The following ABCA1 variants were observed in gnomAD, a reference collection of about 807,000 sequenced individuals.
ABCA1 encodes the protein phospholipid-transporting ATPase ABCA1.
Under a neutral mutation model 262.5 loss-of-function variants are expected in ABCA1, and 133 were observed. The ratio of observed to expected loss-of-function variants is 0.51; its 90% CI spans 0.44 to 0.59. ABCA1 has a LOEUF of 0.59. Among genes scored for constraint, ABCA1 ranks in the 20% least tolerant of loss-of-function variants. The pLI, the probability that ABCA1 is intolerant of heterozygous loss-of-function variation, is 0.00. For synonymous variants in ABCA1, 1,022 were observed against 1,043.5 expected, an observed-to-expected ratio of 0.98 and a Z score of 0.40; for missense variants, 2,452 against 2,777.5, an observed-to-expected ratio of 0.88 and a Z score of 2.63.
At chr9:104,885,605 T>C (rs767732688) in intron 3 of ABCA1, among the ~76,000 whole-genome samples, 4 of 152,196 alleles carry the variant, frequency 2.6e-5, no homozygotes, top group Non-Finnish European at 4.4e-5. Flanking sequence ...CTCTCCTCTT[T>C]CTTTCTTACA....
chr9:104,832,439 G>T, intron 12 of ABCA1, 135 bp downstream of exon 12: 3 of 960,368 alleles, frequency 3.1e-6, no homozygotes, highest in East Asian at 2.6e-5. Flanking sequence ...CAAATCCTGT[G>T]TTAGGCTTGA....
chr9:104,847,655 A>G (rs916701577), intron 7 of ABCA1, among the ~76,000 whole-genome samples: 4 of 152,194 alleles, frequency 2.6e-5, no homozygotes, highest in Admixed American at 2.6e-4. Flanking sequence ...CTATCATCAC[A>G]CAGCATATCA....
At chr9:104,871,573 C>T (rs1433877316) in intron 5 of ABCA1, among the ~76,000 whole-genome samples, 1 of 152,136 alleles carries the variant, frequency 6.6e-6, no homozygotes, top group Non-Finnish European at 1.5e-5. Flanking sequence ...TAAGACATAA[C>T]ATTGACCCAA....
intron 7 of ABCA1, among the ~76,000 whole-genome samples, chr9:104,851,635 C>T (rs1835389165): frequency 6.6e-6 from 1 of 152,174 alleles, no homozygotes; most frequent in Non-Finnish European, 1.5e-5. Context: ...TAGGAGGCCC[C>T]ATCAGGGACT....
chr9:104,904,509 T>G (rs1840941983), intron 1 of ABCA1, among the ~76,000 whole-genome samples: 1 of 145,896 alleles, frequency 6.9e-6, no homozygotes, highest in Admixed American at 7.1e-5. Context: ...GGAGGTGCAG[T>G]GAGCCAAGAT....
intron 3 of ABCA1, among the ~76,000 whole-genome samples, chr9:104,887,255 G>T (rs1015703095): frequency 1.6e-4 from 25 of 151,810 alleles, no homozygotes; most frequent in Non-Finnish European, 1.6e-4. Context: ...TCCAGTCTGG[G>T]CAACAGAGCA....
At chr9:104,840,181 C>A (rs1834238818) in intron 9 of ABCA1, 98 bp downstream of exon 9, 2 of 1,599,902 alleles carry the variant, frequency 1.3e-6, no homozygotes, top group Admixed American at 3.3e-5. Flanking sequence ...ATGTAGACAT[C>A]TAACGCTGCT....
chr9:104,920,685 T>A (rs1842097849), intron 1 of ABCA1, among the ~76,000 whole-genome samples: 1 of 152,174 alleles, frequency 6.6e-6, no homozygotes, highest in South Asian at 2.1e-4. Context: ...CTAATTTTTG[T>A]ATTTTTAGTA....
At chr9:104,870,181 G>A (rs910476876) in intron 5 of ABCA1, among the ~76,000 whole-genome samples, 2 of 152,112 alleles carry the variant, frequency 1.3e-5, no homozygotes, top group African/African-American at 2.4e-5. Flanking sequence ...ATTCCTTCTA[G>A]TATTTTACAA....
rs749383560 is a variant in ABCA1 at position 104,802,054 on chromosome 9, C to G, written c.4698G>C (p.Lys1566Asn). 5.6e-6 allele frequency: 9 copies of G among 1,613,912 alleles called. No homozygotes were observed. Among genetic ancestry groups the G allele is most frequent in the African/African-American group, 1.3e-5 (1 of 74,918 alleles). Residue 1566 changes from lysine to asparagine, a missense_variant and splice_region_variant, in exon 34 of 50, where the codon AAG becomes AAC. Physicochemically the swap from Lys to Asn is moderately conservative, Grantham distance 94. Transcript: ENST00000374736. ...ATACATCTTACGATAGATATTTTAC[C>G]TTGGCCAGCTTTAGGTGTTTCTTCA... The part of the protein sequence containing the change: ...KQMKKHLKLA[K>N]DSSADRFLNS...
intron 7 of ABCA1, among the ~76,000 whole-genome samples, chr9:104,847,798 A>G (rs772567026): frequency 1.8e-4 from 28 of 152,216 alleles, no homozygotes; most frequent in Non-Finnish European, 2.8e-4. Flanking sequence ...TTTACTGAGC[A>G]TTTGCCAAAC....
chr9:104,827,400 G>T (rs1043359836), intron 15 of ABCA1, among the ~76,000 whole-genome samples: 4 of 152,180 alleles, frequency 2.6e-5, no homozygotes, highest in Admixed American at 1.3e-4. Context: ...ATACAACAGA[G>T]TCCAGGGCTT....
At chr9:104,855,633 G>A in intron 7 of ABCA1, 1 of 1,448,998 alleles carries the variant, frequency 6.9e-7, no homozygotes, top group Non-Finnish European at 9.1e-7. Context: ...CTTCATATGT[G>A]TAACCAATAA....
intron 5 of ABCA1, among the ~76,000 whole-genome samples, chr9:104,877,471 C>T (rs1838257359): frequency 1.3e-5 from 2 of 152,240 alleles, no homozygotes; most frequent in Admixed American, 6.5e-5. Context: ...GATCCCCCAT[C>T]CAAGTACTGA....
At chr9:104,794,594 A>G in intron 39 of ABCA1, 84 bp from the exon 40 acceptor site, 1 of 1,517,420 alleles carries the variant, frequency 6.6e-7, no homozygotes, top group Non-Finnish European at 8.9e-7. Flanking sequence ...CTAAAAATGT[A>G]TCAAGTTCTG....
At chr9:104,880,800 A>T (rs1169731744) in intron 5 of ABCA1, among the ~76,000 whole-genome samples, 1 of 152,078 alleles carries the variant, frequency 6.6e-6, no homozygotes, top group African/African-American at 2.4e-5. Context: ...TCTGCACACT[A>T]CTGTAGGGTT....
intron 1 of ABCA1, among the ~76,000 whole-genome samples, chr9:104,916,013 A>G (rs1476855287): frequency 6.6e-6 from 1 of 152,182 alleles, no homozygotes; most frequent in African/African-American, 2.4e-5. Flanking sequence ...TTTGCTCCAC[A>G]GAGAAGAAAG....
chr9:104,804,843 C>T lies in ABCA1; in HGVS notation c.4465-123G>A, dbSNP rs891963205. 21 of 825,308 alleles carry T rather than the reference C, an allele frequency of 2.5e-5. No individual in the cohort carries two copies. The East Asian group carries it at 5.2e-4, about 20-fold the overall frequency. 51.1% of individuals were successfully genotyped at this position (825,308 alleles called of 1,614,324 possible). A position where few individuals can be genotyped will look rare whatever the true frequency, so the allele number is the denominator to read the frequency against. On this transcript the variant is annotated intron_variant, in intron 31 of 49. Coordinates refer to ENST00000374736, the MANE Select transcript of ABCA1 (RefSeq NM_005502.4). ...CGGAAACCTGACTACAGGTCCCAGA[C>T]ACTGCCCTCAGTCAACCAGCACTGA... is the stretch of plus-strand genomic sequence containing the variant.
intron 39 of ABCA1, among the ~76,000 whole-genome samples, chr9:104,795,663 T>C (rs968683565): frequency 1.3e-5 from 2 of 152,138 alleles, no homozygotes; most frequent in African/African-American, 4.8e-5. Context: ...GAGTTCAAGG[T>C]TATGATCAAG....
Sources: allele counts gnomAD v4.1 joint callset (sites outside exome capture counted in the v4.1 genomes callset), GRCh38; gene constraint gnomAD v4.1.1; transcripts MANE v1.5; gene names NCBI Gene and HGNC (gene_info 2026-07-23, HGNC 2026-07-21).